The following CLDN14 variants were observed in gnomAD, a reference collection of about 807,000 sequenced individuals.
CLDN14 encodes claudin-14.
A neutral mutation model predicts 2.1 loss-of-function variants in CLDN14; 2 were observed. That is an observed-to-expected ratio of 0.96 (90% CI 0.39 to 3.01). The LOEUF is 3.01. Ranked by LOEUF, CLDN14 falls within the 30% of genes most tolerant of loss-of-function variation. The probability of loss-of-function intolerance (pLI) is 0.09; values close to 1 mark genes in which losing one functional copy is unlikely to be tolerated. For missense variants in CLDN14, 298 were observed against 328.0 expected (o/e 0.91, Z 0.71); for synonymous variants, 136 against 154.4 (o/e 0.88, Z 0.88).
chr21:36,528,721 CA>C (rs1282254480), intron 1 of CLDN14, among the ~76,000 whole-genome samples: 1 of 152,220 alleles, frequency 6.6e-6, no homozygotes, highest in Admixed American at 6.5e-5. Context: ...TGGCTGCTCG[CA>C]AGTTGCTTTT....
intron 1 of CLDN14, among the ~76,000 whole-genome samples, chr21:36,466,191 AC>A (rs954222817): frequency 1.3e-5 from 2 of 151,948 alleles, no homozygotes; most frequent in South Asian, 2.1e-4. Context: ...GACTAGAGAC[AC>A]CCCCCTGCAC....
intron 1 of CLDN14, among the ~76,000 whole-genome samples, chr21:36,568,025 G>A (rs928621436): frequency 8.5e-5 from 13 of 152,190 alleles, no homozygotes; most frequent in Non-Finnish European, 1.8e-4. Context: ...GGAAGAGCAA[G>A]AGGTCTAGAG....
intron 1 of CLDN14, among the ~76,000 whole-genome samples, chr21:36,563,583 C>T (rs1249229241): frequency 6.6e-6 from 1 of 152,134 alleles, no homozygotes. Context: ...AATTCTCTGT[C>T]AAAGAGAAAT....
chr21:36,553,206 G>A (rs377527), intron 1 of CLDN14, among the ~76,000 whole-genome samples: 113,884 of 152,132 alleles, frequency 0.75, 44,123 homozygotes, highest in Non-Finnish European at 0.87. Context: ...GACTCCCCTC[G>A]AGCTGACCAA....
At chr21:36,509,164 C>T (rs1024801902) in intron 2 of CLDN14, among the ~76,000 whole-genome samples, 1 of 152,240 alleles carries the variant, frequency 6.6e-6, no homozygotes, top group Non-Finnish European at 1.5e-5. Flanking sequence ...GTGCTAGGTT[C>T]TGACTCTCTT....
intron 1 of CLDN14, among the ~76,000 whole-genome samples, chr21:36,567,999 G>C (rs1329766176): frequency 6.6e-6 from 1 of 152,150 alleles, no homozygotes; most frequent in Non-Finnish European, 1.5e-5. Context: ...AGACAGACAA[G>C]AAAATCAATA....
At chr21:36,549,661 G>T (rs1308805248) in intron 1 of CLDN14, among the ~76,000 whole-genome samples, 10 of 152,206 alleles carry the variant, frequency 6.6e-5, no homozygotes, top group Non-Finnish European at 1.3e-4. Context: ...AAAGATCACG[G>T]TTGGCCAGCA....
intron 1 of CLDN14, among the ~76,000 whole-genome samples, chr21:36,543,395 G>T (rs189029605): frequency 1.3e-5 from 2 of 152,104 alleles, no homozygotes; most frequent in Admixed American, 6.6e-5. Context: ...CATAGTTCCC[G>T]TATGAAGATA....
intron 1 of CLDN14, among the ~76,000 whole-genome samples, chr21:36,516,813 A>C (rs1388830358): frequency 6.6e-5 from 10 of 152,188 alleles, no homozygotes; most frequent in Admixed American, 6.5e-4. Flanking sequence ...CCTTGAGCTA[A>C]GAATGGTTTT....
intron 1 of CLDN14, among the ~76,000 whole-genome samples, chr21:36,573,340 C>A (rs1370257110): frequency 6.7e-6 from 1 of 149,578 alleles, no homozygotes; most frequent in African/African-American, 2.4e-5. Context: ...AATTACAATA[C>A]TAGGTATTAA....
Position 36,549,540 on chromosome 21 carries a change from G to A in CLDN14, c.-220+26871C>T, listed in dbSNP as rs531939765. On this transcript the variant is annotated intron_variant, in intron 1 of 2. Transcript: ENST00000342108. Reference sequence around the variant, plus strand: ...ATTATTCCTTTGCTTGCTTTCTGTGGAGAACAAATCACCTCTAAAACATTT... The same window carrying A: ...ATTATTCCTTTGCTTGCTTTCTGTGAAGAACAAATCACCTCTAAAACATTT... Among the ~76,000 whole-genome samples, 6 of 152,328 alleles carry A rather than the reference G, an allele frequency of 3.9e-5. No individual in the cohort carries two copies. The East Asian group carries it at 1.2e-3, about 29-fold the overall frequency.
At chr21:36,563,403 T>G (rs376493406) in intron 1 of CLDN14, among the ~76,000 whole-genome samples, 1 of 152,056 alleles carries the variant, frequency 6.6e-6, no homozygotes, top group East Asian at 1.9e-4. Context: ...ACTAAACATG[T>G]TGGAGAAAAA....
At chr21:36,495,277 C>T (rs1339402505) in intron 2 of CLDN14, among the ~76,000 whole-genome samples, 1 of 152,120 alleles carries the variant, frequency 6.6e-6, no homozygotes, top group Non-Finnish European at 1.5e-5. Flanking sequence ...TGCTGTGAGC[C>T]GAGATCGTGC....
chr21:36,536,712 C>G (rs1456474193), intron 1 of CLDN14, among the ~76,000 whole-genome samples: 1 of 152,168 alleles, frequency 6.6e-6, no homozygotes, highest in Non-Finnish European at 1.5e-5. Context: ...CACCATCCTT[C>G]TACATGTTAA....
At chr21:36,545,927 G>T (rs1340821944) in intron 1 of CLDN14, among the ~76,000 whole-genome samples, 1 of 152,164 alleles carries the variant, frequency 6.6e-6, no homozygotes, top group East Asian at 1.9e-4. Context: ...CTTCACCAAG[G>T]TCCTGCAAGA....
At chr21:36,525,235 C>T (rs553288130) in intron 1 of CLDN14, among the ~76,000 whole-genome samples, 19 of 152,102 alleles carry the variant, frequency 1.2e-4, no homozygotes, top group South Asian at 4.2e-4. Context: ...TGCAGCCCAA[C>T]GCAAGTGCAC....
chr21:36,506,215 T>C (rs1003568101), intron 2 of CLDN14, among the ~76,000 whole-genome samples: 3 of 152,226 alleles, frequency 2.0e-5, no homozygotes, highest in African/African-American at 2.4e-5. Context: ...CTGCAGTTAC[T>C]GATATGCAAA....
chr21:36,544,807 T>C lies in CLDN14; in HGVS notation c.-220+31604A>G, dbSNP rs1474561352. 6.6e-6 allele frequency among the ~76,000 whole-genome samples: 1 copy of C among 152,188 alleles called. No homozygotes were observed. Among genetic ancestry groups the C allele is most frequent in the Non-Finnish European group, 1.5e-5 (1 of 68,032 alleles). On this transcript the variant is annotated intron_variant, in intron 1 of 2. Coordinates refer to the CLDN14 transcript ENST00000342108. The surrounding 1 kb of genome is among the most constrained non-coding windows in gnomAD (Gnocchi z 4.1). The stretch of plus-strand genomic sequence containing the variant: ...AAGGACATCCGCGAAGTAAGACATG[T>C]GCACAGAGCAACCATGTGAAAACAA...
intron 1 of CLDN14, among the ~76,000 whole-genome samples, chr21:36,563,437 G>A (rs1178474579): frequency 6.6e-6 from 1 of 150,404 alleles, no homozygotes. Flanking sequence ...TTTTTTCAAA[G>A]TTGCAAGTCA....
Sources: gnomAD v4.1 joint callset for allele counts (sites outside exome capture counted in the v4.1 genomes callset) on GRCh38, gnomAD v4.1.1 for gene constraint, Gnocchi (gnomAD v3.1) non-coding constraint, MANE v1.5 for transcripts, NCBI Gene and HGNC (gene_info 2026-07-23, HGNC 2026-07-21) for gene names.